CADPS2: variants seen among roughly 807,000 people sequenced by gnomAD.
The protein encoded by CADPS2 is calcium-dependent secretion activator 2.
CADPS2 carries 93 observed loss-of-function variants against 172.5 expected under a neutral mutation model. The ratio of observed to expected loss-of-function variants is 0.54; its 90% CI spans 0.46 to 0.64. The LOEUF is 0.64. Among genes scored for constraint, CADPS2 ranks in the 30% least tolerant of loss-of-function variants. The pLI, the probability that CADPS2 is intolerant of heterozygous loss-of-function variation, is 0.00. For missense variants in CADPS2, 1,420 were observed against 1,565.9 expected, an observed-to-expected ratio of 0.91 and a Z score of 1.57; for synonymous variants, 546 against 555.2, an observed-to-expected ratio of 0.98 and a Z score of 0.23.
At chr7:122,518,664 T>C (rs1046856188) in intron 8 of CADPS2, among the ~76,000 whole-genome samples, 2 of 152,074 alleles carry the variant, frequency 1.3e-5, no homozygotes, top group African/African-American at 4.8e-5. Context: ...GAGTCATTAC[T>C]ACCTTCCTCA....
At position 122,808,725 on chromosome 7, in the gene CADPS2, T is replaced by C. The variant is rs570762246; in HGVS notation, c.340-71657A>G. On this transcript the variant is annotated intron_variant, in intron 1 of 29. Coordinates refer to ENST00000449022, the MANE Select transcript of CADPS2 (RefSeq NM_017954.11). The stretch of plus-strand genomic sequence containing the variant: ...TTGCCACAATAATGTTCTGCTTCAA[T>C]ACAACCAAGATATTGAATGAATTTC... Among the ~76,000 whole-genome samples, 209 of 152,352 alleles carry C rather than the reference T, an allele frequency of 1.4e-3. 1 individual carries two copies. The highest frequency in any genetic ancestry group is 4.4e-3 in the Admixed American group (68 of 15,308).
chr7:122,855,811 T>C (rs1221024442), intron 1 of CADPS2, among the ~76,000 whole-genome samples: 1 of 152,182 alleles, frequency 6.6e-6, no homozygotes, highest in African/African-American at 2.4e-5. Context: ...ATGGTCAAAA[T>C]TAAATTTATT....
At chr7:122,663,818 T>A (rs79066769) in intron 2 of CADPS2, among the ~76,000 whole-genome samples, 7,764 of 152,252 alleles carry the variant, frequency 0.051, 257 homozygotes, top group African/African-American at 0.058. Context: ...TGGTTTACTT[T>A]GACCTGTATG....
intron 1 of CADPS2, among the ~76,000 whole-genome samples, chr7:122,840,901 T>C (rs1057026169): frequency 6.6e-6 from 1 of 152,048 alleles, no homozygotes. Context: ...TAATAAAAAA[T>C]TGCAGTCTCT....
chr7:122,781,195 C>G (rs1792623699), intron 1 of CADPS2, among the ~76,000 whole-genome samples: 1 of 151,922 alleles, frequency 6.6e-6, no homozygotes. Context: ...ATTTGTTGTC[C>G]TTTGAACTAT....
rs17145065 is a variant in CADPS2 at position 122,873,035 on chromosome 7, G to T, written c.339+12964C>A. On this transcript the variant is annotated intron_variant, in intron 1 of 29. Transcript: ENST00000449022. ...ATCTGTCCCTAGCTCCAGGAAAGGA[G>T]TACAGAAATGCCCTTAAACACAGGG... Among the ~76,000 whole-genome samples the T allele has an allele frequency of 4.0e-5, 6 of 151,814 alleles. No individual in the cohort carries two copies. In the East Asian group the frequency reaches 9.7e-4, roughly 25 times the overall value.
chr7:122,360,757 C>T lies in CADPS2; in HGVS notation c.3504+31G>A, dbSNP rs1169903177. ...CAATTTTTTTTTAAAGAATTCCATA[C>T]AGTTTTAAAAAGCAGATAAAAAATA... On this transcript the variant is annotated intron_variant, in intron 27 of 29. Coordinates refer to ENST00000449022, the MANE Select transcript of CADPS2 (RefSeq NM_017954.11). 9 of 1,535,550 alleles carry T rather than the reference C, an allele frequency of 5.9e-6. No homozygotes were observed. In the East Asian group the frequency reaches 1.5e-4, roughly 25 times the overall value.
At chr7:122,408,102 T>C (rs1361370464) in intron 19 of CADPS2, among the ~76,000 whole-genome samples, 2 of 152,072 alleles carry the variant, frequency 1.3e-5, no homozygotes, top group African/African-American at 4.8e-5. Flanking sequence ...AAACATTTGG[T>C]ATTACACTTT....
At position 122,446,799 on chromosome 7, in the gene CADPS2, A is replaced by G. The variant is rs140445832; in HGVS notation, c.2288+4575T>C. On this transcript the variant is annotated intron_variant, in intron 15 of 29. Transcript: ENST00000449022. ...CAAGTCAGAGAGTCCACTAGGCTCT[A>G]CCTAGGTTCCTCCTTTCTGGATCAT... Among the ~76,000 whole-genome samples, 704 of 152,176 alleles carry G rather than the reference A, an allele frequency of 4.6e-3. 7 individuals carry two copies. Among genetic ancestry groups the G allele is most frequent in the African/African-American group, 0.013 (534 of 41,532 alleles).
chr7:122,754,404 A>G (rs1047948016), intron 1 of CADPS2, among the ~76,000 whole-genome samples: 1 of 152,226 alleles, frequency 6.6e-6, no homozygotes, highest in African/African-American at 2.4e-5. Flanking sequence ...AAATTTAATT[A>G]AAATGACTTA....
In CADPS2 at chr7:122,515,951, C is replaced by CA. The variant is rs201256882; in HGVS notation, c.1476-2637dup. 7.8e-3 allele frequency among the ~76,000 whole-genome samples: 1,188 copies of CA among 151,408 alleles called. 16 individuals are homozygous for CA. Among genetic ancestry groups the CA allele is most frequent in the African/African-American group, 0.028 (1,140 of 41,246 alleles). On this transcript the variant is annotated intron_variant, in intron 8 of 29. Transcript: ENST00000449022. Reference sequence around the variant, plus strand: ...AAAATATATTTGGAAAAAAAACATGCAAAAAAAGAATAATAATCAGCTGCA... The same window carrying CA: ...AAAATATATTTGGAAAAAAAACATGCAAAAAAAAGAATAATAATCAGCTGCA...
chr7:122,748,479 A>T (rs1294862346), intron 1 of CADPS2, among the ~76,000 whole-genome samples: 1 of 152,158 alleles, frequency 6.6e-6, no homozygotes, highest in East Asian at 1.9e-4. Flanking sequence ...TCAGGAGCAG[A>T]CAACTGTGAG....
intron 2 of CADPS2, among the ~76,000 whole-genome samples, chr7:122,715,526 ACT>A (rs1295590246): frequency 6.6e-6 from 1 of 151,880 alleles, no homozygotes; most frequent in East Asian, 1.9e-4. Context: ...CATGAAAAAG[ACT>A]CTCTTTTCTG....
chr7:122,541,627 AT>A (rs1206666166), intron 8 of CADPS2, among the ~76,000 whole-genome samples: 1 of 144,136 alleles, frequency 6.9e-6, no homozygotes, highest in Non-Finnish European at 1.5e-5. Context: ...ATCCATATAT[AT>A]TTTCATATAT....
chr7:122,646,902 A>G (rs2078622152), intron 3 of CADPS2, among the ~76,000 whole-genome samples: 1 of 152,146 alleles, frequency 6.6e-6, no homozygotes, highest in East Asian at 1.9e-4. Flanking sequence ...AAATAAGACA[A>G]GAGTAGCAGA....
At chr7:122,492,989 A>T (rs1257823925) in intron 9 of CADPS2, among the ~76,000 whole-genome samples, 1 of 152,210 alleles carries the variant, frequency 6.6e-6, no homozygotes, top group Non-Finnish European at 1.5e-5. Flanking sequence ...CTTTCAATAG[A>T]CAGTGATTAC....
At chr7:122,655,282 T>C (rs1321963014) in intron 3 of CADPS2, among the ~76,000 whole-genome samples, 3 of 152,188 alleles carry the variant, frequency 2.0e-5, no homozygotes, top group African/African-American at 7.2e-5. Context: ...CTTCTGTGGG[T>C]AAAATACTAT....
chr7:122,698,084 G>T, intron 2 of CADPS2: 1 of 1,613,958 alleles, frequency 6.2e-7, no homozygotes, highest in Non-Finnish European at 8.5e-7. Flanking sequence ...CAATTCTTGT[G>T]GAAAAAATGT....
intron 2 of CADPS2, among the ~76,000 whole-genome samples, chr7:122,673,862 G>C (rs912005914): frequency 1.3e-5 from 2 of 151,634 alleles, no homozygotes; most frequent in African/African-American, 4.8e-5. Flanking sequence ...CGTGGAGCAG[G>C]AGGTGGTGCC....
Sources: gnomAD v4.1 joint callset for allele counts (sites outside exome capture counted in the v4.1 genomes callset) on GRCh38, gnomAD v4.1.1 for gene constraint, MANE v1.5 for transcripts, NCBI Gene and HGNC (gene_info 2026-07-23, HGNC 2026-07-21) for gene names.